MMP1: variants seen among roughly 807,000 people sequenced by gnomAD.
MMP1 encodes interstitial collagenase.
A neutral mutation model predicts 49.6 loss-of-function variants in MMP1; 51 were observed. The observed-to-expected ratio is 1.03, with a 90% confidence interval of 0.82 to 1.30. MMP1 has a LOEUF of 1.30. Among genes scored for constraint, MMP1 ranks in the 50% most tolerant of loss-of-function variants. The pLI is 0.00. For synonymous variants in MMP1, 230 were observed against 196.8 expected (o/e 1.17, Z -1.41); for missense variants, 623 against 568.7 (o/e 1.10, Z -0.97).
Position 102,797,315 on chromosome 11 carries a change from C to T in MMP1, c.291G>A (p.Val97=). Residue 97 remains valine (V), a synonymous_variant, in exon 2 of 10, where the codon GTG becomes GTA. Coordinates refer to ENST00000315274, the MANE Select transcript of MMP1 (RefSeq NM_002421.4). ...TCCCCTCAGTGAGGACAAACTGAGCCACATCAGGCACTCCACATCTGGGCT... is the reference window on the plus strand; with the variant it reads ...TCCCCTCAGTGAGGACAAACTGAGCTACATCAGGCACTCCACATCTGGGCT... ...MKQPRCGVPD[V]AQFVLTEGNP... is the part of the protein sequence containing the mutation. 1.2e-6 allele frequency: 2 copies of T among 1,614,134 alleles called. No homozygotes were observed. The highest frequency in any genetic ancestry group is 2.2e-5 in the South Asian group (2 of 91,084).
At chr11:102,795,371 G>T (rs1591080998) in intron 5 of MMP1, 80 bp from the exon 6 acceptor site, 1 of 1,602,610 alleles carries the variant, frequency 6.2e-7, no homozygotes, top group East Asian at 2.2e-5. Flanking sequence ...CTTCTTCAAG[G>T]ATATCGCTAA....
chr11:102,791,644 G>A, intron 7 of MMP1, 149 bp from the exon 8 acceptor site: 1 of 772,710 alleles, frequency 1.3e-6, no homozygotes. Context: ...AAATACTGAT[G>A]CCAGGACCCT....
chr11:102,792,569 T>A (rs368239537), intron 7 of MMP1, 36 bp downstream of exon 7: 37 of 1,599,516 alleles, frequency 2.3e-5, no homozygotes, highest in Non-Finnish European at 3.1e-5. Context: ...GAAAAATTGA[T>A]TTATTAAAGC....
chr11:102,795,610 A>T lies in MMP1; in HGVS notation c.626-3T>A, dbSNP rs746799946. 4 of 1,599,432 alleles carry T rather than the reference A, an allele frequency of 2.5e-6. No homozygotes were observed. Among genetic ancestry groups the T allele is most frequent in the Non-Finnish European group, 1.7e-6 (2 of 1,175,148 alleles). ...TGCAACACGATGTAAGTTGTACTCTAAAAAGGCCAATAAATCAATTTGTAA... is the reference window on the plus strand; with the variant it reads ...TGCAACACGATGTAAGTTGTACTCTTAAAAGGCCAATAAATCAATTTGTAA... On this transcript the variant is annotated splice_polypyrimidine_tract_variant and splice_region_variant and intron_variant, in intron 4 of 9. Coordinates refer to ENST00000315274, the MANE Select transcript of MMP1 (RefSeq NM_002421.4).
Position 102,798,096 on chromosome 11 carries a change from G to T in MMP1, c.-4C>A. 5 of 1,605,330 alleles carry T rather than the reference G, an allele frequency of 3.1e-6. No individual in the cohort carries two copies. The South Asian group carries it at 5.5e-5, about 18-fold the overall frequency. On this transcript the variant is annotated 5_prime_UTR_variant, in exon 1 of 10. Transcript: ENST00000315274. ...GCAGTGGAGGAAAGCTGTGCATACT[G>T]GCCTTTGTCTTCTTTCTCAGTGCAA...
rs371416460 is a variant in MMP1 at position 102,795,243 on chromosome 11, G to A, written c.830C>T (p.Ala277Val). Residue 277 changes from alanine (A) to valine (V), a missense_variant, in exon 6 of 10, where the codon GCG becomes GTG. Physicochemically the swap from Ala to Val is moderately conservative, Grantham distance 64 (BLOSUM62 0). Transcript: ENST00000315274. Reference sequence around the variant, plus strand: ...ATCAAAGGTTAGCTTACTGTCACACGCTTTTGGGGTTTGTGGGCCGATGGG... The same window carrying A: ...ATCAAAGGTTAGCTTACTGTCACACACTTTTGGGGTTTGTGGGCCGATGGG... ...VQPIGPQTPK[A>V]CDSKLTFDAI... The A allele has an allele frequency of 3.5e-5, 57 of 1,613,972 alleles. No individual in the cohort carries two copies. Among genetic ancestry groups the A allele is most frequent in the African/African-American group, 3.2e-4 (24 of 74,926 alleles).
rs1857980991 is a variant in MMP1, at chr11:102,790,051, A to G, written c.*361T>C. The G allele has an allele frequency of 6.2e-6, 1 of 161,660 alleles. No homozygotes were observed. Among genetic ancestry groups the G allele is most frequent in the African/African-American group, 2.4e-5 (1 of 41,678 alleles). 10.0% of individuals were successfully genotyped at this position (161,660 alleles called of 1,614,324 possible). A position where few individuals can be genotyped will look rare whatever the true frequency, so the allele number is the denominator to read the frequency against. On this transcript the variant is annotated 3_prime_UTR_variant, in exon 10 of 10. Transcript: ENST00000315274. ...GTTCTTGAGCTGCTTTTCCTCCGGC[A>G]AAGACTCATGTCTCCTGTCTCTTTC...
chr11:102,796,991 A>G, intron 3 of MMP1, 23 bp downstream of exon 3: 3 of 1,604,546 alleles, frequency 1.9e-6, no homozygotes, highest in Non-Finnish European at 1.7e-6. Context: ...AGGTGAGGTT[A>G]AGGTGCTATA....
intron 1 of MMP1, among the ~76,000 whole-genome samples, 156 bp downstream of exon 1, chr11:102,797,832 C>T (rs1045028286): frequency 1.3e-5 from 2 of 150,846 alleles, no homozygotes; most frequent in Non-Finnish European, 2.9e-5. Flanking sequence ...AGAGCGTATG[C>T]ATGGCTAGAT....
rs149206804 is a variant in MMP1, at chr11:102,790,092, T to C, written c.*320A>G. 115 of 182,510 alleles carry C rather than the reference T, an allele frequency of 6.3e-4. No individual in the cohort carries two copies. Among genetic ancestry groups the C allele is most frequent in the Admixed American group, 2.5e-3 (42 of 16,578 alleles). The allele number at this position is 182,510 out of a possible 1,614,324, so 11.3% of individuals were successfully genotyped here. ...TGTCTCTTTCTGTCTTGAAAGGATA[T>C]GTTTGTCACTGAAGCTGCTCTCTGG... is the stretch of plus-strand genomic sequence containing the variant. On this transcript the variant is annotated 3_prime_UTR_variant, in exon 10 of 10. Transcript: ENST00000315274.
intron 8 of MMP1, 67 bp downstream of exon 8, chr11:102,791,265 AT>A: frequency 6.4e-7 from 1 of 1,557,870 alleles, no homozygotes; most frequent in Non-Finnish European, 8.8e-7. Flanking sequence ...TCACTTTGAA[AT>A]GGGCTATTCT....
In MMP1 at chr11:102,794,305, C is replaced by T. The variant is rs370666777; in HGVS notation, c.899+869G>A. Among the ~76,000 whole-genome samples the T allele has an allele frequency of 1.1e-3, 160 of 152,310 alleles. 1 individual carries two copies. Among genetic ancestry groups the T allele is most frequent in the African/African-American group, 3.8e-3 (159 of 41,560 alleles). ...CACTTGAGAGGCTGCAGAGAATGAGCCTTTCAGGCCACCCTGAATTTCTAT... is the reference window on the plus strand; with the variant it reads ...CACTTGAGAGGCTGCAGAGAATGAGTCTTTCAGGCCACCCTGAATTTCTAT... On this transcript the variant is annotated intron_variant, in intron 6 of 9. Coordinates refer to ENST00000315274, the MANE Select transcript of MMP1 (RefSeq NM_002421.4). This position sits in a 1 kb window ranked among gnomAD's most constrained non-coding sequence, Gnocchi z 4.3.
rs1343392236 is a variant in MMP1 at position 102,794,439 on chromosome 11, G to C, written c.899+735C>G. 1.3e-5 allele frequency among the ~76,000 whole-genome samples: 2 copies of C among 152,178 alleles called. No individual in the cohort carries two copies. Among genetic ancestry groups the C allele is most frequent in the African/African-American group, 2.4e-5 (1 of 41,442 alleles). On this transcript the variant is annotated intron_variant, in intron 6 of 9. Coordinates refer to ENST00000315274, the MANE Select transcript of MMP1 (RefSeq NM_002421.4). The surrounding 1 kb of genome is among the most constrained non-coding windows in gnomAD (Gnocchi z 4.3). ...ATCCTTTAGGAATCACTATGGTACA[G>C]AGAGCAGGCCTCCTCCTTGCATGTG... is the stretch of plus-strand genomic sequence containing the variant.
chr11:102,791,961 A>G (rs1191743138), intron 7 of MMP1, among the ~76,000 whole-genome samples: 3 of 152,212 alleles, frequency 2.0e-5, no homozygotes, highest in African/African-American at 7.2e-5. Context: ...AGTTCCAAAT[A>G]CTTGAATTAA....
At position 102,798,049 on chromosome 11, in the gene MMP1, A is replaced by G. The variant is rs143028352; in HGVS notation, c.44T>C (p.Val15Ala). The G allele has an allele frequency of 6.9e-5, 111 of 1,613,212 alleles. No individual in the cohort carries two copies. Among genetic ancestry groups the G allele is most frequent in the Admixed American group, 1.3e-4 (8 of 59,976 alleles). ...PPLLLLLFWGVVSHSFPATLE... is the reference protein window; with the variant it reads ...PPLLLLLFWGAVSHSFPATLE... Reference sequence around the variant, plus strand: ...AGTCGCTGGGAAGCTGTGAGACACCACACCCCAGAACAGCAGCAGCAGCAG... The same window carrying G: ...AGTCGCTGGGAAGCTGTGAGACACCGCACCCCAGAACAGCAGCAGCAGCAG... Residue 15 changes from valine to alanine, a missense_variant, in exon 1 of 10, where the codon GTG becomes GCG. Val to Ala is a moderately conservative substitution (Grantham distance 64). Transcript: ENST00000315274.
At chr11:102,792,523 T>C (rs1858057531) in intron 7 of MMP1, 82 bp downstream of exon 7, 1 of 1,357,720 alleles carries the variant, frequency 7.4e-7, no homozygotes, top group Non-Finnish European at 1.0e-6. Flanking sequence ...GGAGAGAATG[T>C]AGCTAGTAAC....
In MMP1 at chr11:102,790,763, T is replaced by C; in HGVS notation, c.1240A>G (p.Met414Val). Residue 414 changes from methionine to valine, a missense_variant, in exon 9 of 10, where the codon ATG becomes GTG. By Grantham distance (21) the Met-to-Val change is conservative. Coordinates refer to ENST00000315274, the MANE Select transcript of MMP1 (RefSeq NM_002421.4). ...ATTCCAGGAAAGTCATGTGCTATCA[T>C]TTTGGGATAACCTGGATCCATAGAT... ...KRSMDPGYPK[M>V]IAHDFPGIGH... is the part of the protein sequence containing the mutation. The C allele has an allele frequency of 6.2e-7, 1 of 1,613,428 alleles. No homozygotes were observed. Among genetic ancestry groups the C allele is most frequent in the South Asian group, 1.1e-5 (1 of 91,058 alleles).
chr11:102,797,059 C>A lies in MMP1; in HGVS notation c.454G>T (p.Val152Phe), dbSNP rs1016642417. The A allele has an allele frequency of 1.2e-6, 2 of 1,614,118 alleles. No homozygotes were observed. The highest frequency in any genetic ancestry group is 1.7e-5 in the Admixed American group (1 of 60,004). Residue 152 changes from valine to phenylalanine, a missense_variant, in exon 3 of 10, where the codon GTC becomes TTC. Coordinates refer to ENST00000315274, the MANE Select transcript of MMP1 (RefSeq NM_002421.4). ...SNVTPLTFTK[V>F]SEGQADIMIS... ...ATGATGTCTGCTTGACCCTCAGAGACCTTGGTGAATGTCAGAGGTGTGACA... is the reference window on the plus strand; with the variant it reads ...ATGATGTCTGCTTGACCCTCAGAGAACTTGGTGAATGTCAGAGGTGTGACA...
rs1225795895 is a variant in MMP1, at chr11:102,790,352, C to T, written c.*60G>A. ...AAAATGACTGAGAAAATAGACAGTT[C>T]TTCAGGAAAACACCTTCTTTGGACT... On this transcript the variant is annotated 3_prime_UTR_variant, in exon 10 of 10. Coordinates refer to ENST00000315274, the MANE Select transcript of MMP1 (RefSeq NM_002421.4). 51 of 987,272 alleles carry T rather than the reference C, an allele frequency of 5.2e-5. No individual in the cohort carries two copies. Among genetic ancestry groups the T allele is most frequent in the Non-Finnish European group, 7.5e-5 (48 of 642,586 alleles). The allele number at this position is 987,272 out of a possible 1,614,324, so 61.2% of individuals were successfully genotyped here.
Sources: gnomAD v4.1 joint callset for allele counts (sites outside exome capture counted in the v4.1 genomes callset) on GRCh38, gnomAD v4.1.1 for gene constraint, Gnocchi (gnomAD v3.1) non-coding constraint, MANE v1.5 for transcripts, NCBI Gene and HGNC (gene_info 2026-07-23, HGNC 2026-07-21) for gene names.